BNC2: variants seen among roughly 807,000 people sequenced by gnomAD.
BNC2 encodes the protein basonuclin zinc finger protein 2.
In BNC2, 20 loss-of-function variants were observed where a neutral mutation model predicts 76.3. The observed-to-expected ratio is 0.26, with a 90% CI of 0.18 to 0.38. The LOEUF (loss-of-function observed/expected upper bound fraction) is 0.38. Among genes scored for constraint, BNC2 ranks in the 10% least tolerant of loss-of-function variants. BNC2 has a pLI of 1.00. For missense variants in BNC2, 1,382 were observed against 1,399.8 expected (o/e 0.99, Z 0.20); for synonymous variants, 582 against 514.8 (o/e 1.13, Z -1.77).
chr9:16,713,889 A>G (rs1009034995), intron 3 of BNC2, among the ~76,000 whole-genome samples: 3 of 152,184 alleles, frequency 2.0e-5, no homozygotes, highest in African/African-American at 7.2e-5. Context: ...AGCCTGGGCA[A>G]TATGGCAAAA....
intron 5 of BNC2, among the ~76,000 whole-genome samples, chr9:16,457,229 T>A (rs117445766): frequency 6.6e-6 from 1 of 152,172 alleles, no homozygotes; most frequent in African/African-American, 2.4e-5. Flanking sequence ...GGGGTGTCAA[T>A]AGAAAAAATT....
intron 1 of BNC2, among the ~76,000 whole-genome samples, chr9:16,781,778 T>C (rs1464211439): frequency 6.6e-6 from 1 of 152,228 alleles, no homozygotes; most frequent in African/African-American, 2.4e-5. Context: ...TAGAATATTA[T>C]ACAGCCATTA....
At chr9:16,515,309 A>G (rs954232568) in intron 5 of BNC2, among the ~76,000 whole-genome samples, 2 of 152,140 alleles carry the variant, frequency 1.3e-5, no homozygotes, top group East Asian at 3.8e-4. Flanking sequence ...GCCCGGTGAG[A>G]AGAGGATCAA....
In BNC2 at chr9:16,418,523, A is replaced by G. The variant is rs1468760457; in HGVS notation, c.*466T>C. 2 of 155,250 alleles carry G rather than the reference A, an allele frequency of 1.3e-5. No homozygotes were observed. The highest frequency in any genetic ancestry group is 2.9e-5 in the Non-Finnish European group (2 of 69,890). The allele number at this position is 155,250 out of a possible 1,614,324, so 9.6% of individuals were successfully genotyped here. A position where few individuals can be genotyped will look rare whatever the true frequency, so the allele number is the denominator to read the frequency against. The stretch of plus-strand genomic sequence containing the variant: ...CTTTCAAAACCTTAAAGTTCACAAA[A>G]GACAACTATAAGAAGTTCCTTTTTG... On this transcript the variant is annotated 3_prime_UTR_variant, in exon 7 of 7. Coordinates refer to ENST00000380672, the MANE Select transcript of BNC2 (RefSeq NM_017637.6).
chr9:16,432,124 G>A (rs1820921072), intron 6 of BNC2, among the ~76,000 whole-genome samples: 1 of 152,168 alleles, frequency 6.6e-6, no homozygotes, highest in South Asian at 2.1e-4. Context: ...ATCAGATTTT[G>A]TGTGTATTAG....
chr9:16,792,272 T>A (rs1817532492), intron 1 of BNC2, among the ~76,000 whole-genome samples: 1 of 151,970 alleles, frequency 6.6e-6, no homozygotes, highest in African/African-American at 2.4e-5. Flanking sequence ...CATAAAGAAG[T>A]CAAATAACTT....
chr9:16,535,389 C>T (rs1373312298), intron 5 of BNC2, among the ~76,000 whole-genome samples: 1 of 152,202 alleles, frequency 6.6e-6, no homozygotes, highest in Admixed American at 6.5e-5. Flanking sequence ...CCTATGTTCA[C>T]TATAAACATA....
Position 16,738,424 on chromosome 9 carries a change from C to A in BNC2, c.65G>T (p.Ser22Ile), listed in dbSNP as rs767046032. 11 of 1,613,922 alleles carry A rather than the reference C, an allele frequency of 6.8e-6. No individual in the cohort carries two copies. The South Asian group carries it at 1.2e-4, about 18-fold the overall frequency. ...SLNYKSEDRL[S>I]EQDWPAYFKV... ...GAAATATGCTGGCCAGTCTTGCTCA[C>A]TAAGCCTGTCCTCTGATTTGTAATT... The change falls in exon 2 of 7, where the codon AGT (serine) becomes ATT (isoleucine). Residue 22 changes from serine to isoleucine, a missense_variant. Coordinates refer to ENST00000380672, the MANE Select transcript of BNC2 (RefSeq NM_017637.6).
intron 3 of BNC2, among the ~76,000 whole-genome samples, chr9:16,593,333 T>C (rs1041267890): frequency 6.6e-6 from 1 of 152,128 alleles, no homozygotes; most frequent in African/African-American, 2.4e-5. Context: ...CACAGGCATA[T>C]AAATTTTCCC....
At chr9:16,533,814 G>GT (rs1303799037) in intron 5 of BNC2, among the ~76,000 whole-genome samples, 1 of 152,090 alleles carries the variant, frequency 6.6e-6, no homozygotes, top group Non-Finnish European at 1.5e-5. Flanking sequence ...ATATTTCTGA[G>GT]TTAAAATGTA....
intron 1 of BNC2, among the ~76,000 whole-genome samples, chr9:16,849,186 C>A (rs1341169534): frequency 2.0e-5 from 3 of 151,894 alleles, no homozygotes; most frequent in African/African-American, 7.3e-5. Flanking sequence ...TTCCTGGAGT[C>A]AAATTTATTT....
intron 1 of BNC2, among the ~76,000 whole-genome samples, chr9:16,766,004 T>A (rs7865470): frequency 5.3e-5 from 8 of 151,832 alleles, no homozygotes; most frequent in Non-Finnish European, 7.4e-5. Flanking sequence ...AGCCAGGATG[T>A]TCTCGATCTC....
chr9:16,577,135 C>A (rs1819508611), intron 4 of BNC2, among the ~76,000 whole-genome samples: 1 of 152,092 alleles, frequency 6.6e-6, no homozygotes, highest in South Asian at 2.1e-4. Context: ...TATGGGCTTG[C>A]CAGATTTAGC....
At chr9:16,670,632 A>T (rs1822448981) in intron 3 of BNC2, among the ~76,000 whole-genome samples, 1 of 152,258 alleles carries the variant, frequency 6.6e-6, no homozygotes, top group Non-Finnish European at 1.5e-5. Context: ...ATTCTAGATC[A>T]TTCTGGTCCT....
chr9:16,740,508 A>G (rs1217585011), intron 1 of BNC2, among the ~76,000 whole-genome samples: 1 of 152,226 alleles, frequency 6.6e-6, no homozygotes, highest in Non-Finnish European at 1.5e-5. Flanking sequence ...ATGTCTTTGT[A>G]GACTGATAGG....
intron 3 of BNC2, among the ~76,000 whole-genome samples, chr9:16,613,088 A>C (rs1417634217): frequency 2.0e-5 from 3 of 152,180 alleles, no homozygotes; most frequent in Admixed American, 1.3e-4. Flanking sequence ...TAGGACCATA[A>C]GGTTAGAAAG....
At chr9:16,734,375 A>T (rs1824603057) in intron 2 of BNC2, among the ~76,000 whole-genome samples, 1 of 152,226 alleles carries the variant, frequency 6.6e-6, no homozygotes, top group Non-Finnish European at 1.5e-5. Flanking sequence ...AAGTGCTCTT[A>T]AGGGTCTTTA....
intron 1 of BNC2, among the ~76,000 whole-genome samples, chr9:16,862,360 A>C (rs13300099): frequency 0.14 from 21,106 of 152,228 alleles, 2,092 homozygotes; most frequent in African/African-American, 0.25. Context: ...AAAGCTAATA[A>C]CAGCAAACTG....
chr9:16,649,481 T>G (rs1216298707), intron 3 of BNC2, among the ~76,000 whole-genome samples: 4 of 152,046 alleles, frequency 2.6e-5, no homozygotes, highest in African/African-American at 9.7e-5. Flanking sequence ...AGAGGAAAAG[T>G]AGGAGCACTG....
Sources: gnomAD v4.1 joint callset for allele counts (sites outside exome capture counted in the v4.1 genomes callset) on GRCh38, gnomAD v4.1.1 for gene constraint, MANE v1.5 for transcripts, NCBI Gene and HGNC (gene_info 2026-07-23, HGNC 2026-07-21) for gene names.